NFRKB: variants seen among roughly 807,000 people sequenced by gnomAD.
NFRKB encodes the protein nuclear factor related to kappa-B-binding protein.
A neutral mutation model predicts 135.7 loss-of-function variants in NFRKB; 62 were observed. The observed-to-expected ratio is 0.46, with a 90% CI of 0.37 to 0.56. NFRKB has a LOEUF of 0.56. Among genes scored for constraint, NFRKB ranks in the 20% least tolerant of loss-of-function variants. NFRKB has a pLI of 0.00. For synonymous variants in NFRKB, 678 were observed against 635.6 expected (o/e 1.07, Z -1.00); for missense variants, 1,545 against 1,662.0 (o/e 0.93, Z 1.22).
intron 9 of NFRKB, among the ~76,000 whole-genome samples, chr11:129,882,864 G>A (rs1439186925): frequency 9.9e-5 from 15 of 151,882 alleles, no homozygotes; most frequent in Admixed American, 9.2e-4. Flanking sequence ...GCTCACTACA[G>A]CCTCAATCTC....
At position 129,869,913 on chromosome 11, in the gene NFRKB, C is replaced by T; in HGVS notation, c.3112G>A (p.Gly1038Ser). The change falls in exon 24 of 27, where the codon GGT becomes AGT. Residue 1038 changes from glycine to serine, a missense_variant. Coordinates refer to ENST00000682444, the MANE Select transcript of NFRKB (RefSeq NM_001143835.2). Reference sequence around the variant, plus strand: ...GGAGTCACTTTGACCACAGTGGTACCTGTTGGAGTGGATGAAGGGGCACTG... The same window carrying T: ...GGAGTCACTTTGACCACAGTGGTACTTGTTGGAGTGGATGAAGGGGCACTG... ...SASAPSSTPT[G>S]TTVVKVTPDL... 1 of 1,614,270 alleles carries T rather than the reference C, an allele frequency of 6.2e-7. No individual in the cohort carries two copies. Among genetic ancestry groups the T allele is most frequent in the Non-Finnish European group, 8.5e-7 (1 of 1,180,046 alleles).
At chr11:129,884,180 T>C in intron 7 of NFRKB, 37 bp from the exon 8 acceptor site, 1 of 1,587,542 alleles carries the variant, frequency 6.3e-7, no homozygotes, top group Non-Finnish European at 8.6e-7. Flanking sequence ...ACTATCATGA[T>C]TCTCCAATTT....
chr11:129,891,551 G>T (rs1949559905), intron 3 of NFRKB, among the ~76,000 whole-genome samples: 1 of 152,140 alleles, frequency 6.6e-6, no homozygotes, highest in Non-Finnish European at 1.5e-5. Context: ...CGACCCCCAG[G>T]CTGTGATGGA....
intron 7 of NFRKB, 81 bp from the exon 8 acceptor site, chr11:129,884,224 T>C: frequency 6.9e-7 from 1 of 1,442,880 alleles, no homozygotes; most frequent in Admixed American, 1.7e-5. Flanking sequence ...AGTAAGATAT[T>C]TCTGAGTTTC....
At chr11:129,867,650 T>C (rs528547105) in intron 24 of NFRKB, among the ~76,000 whole-genome samples, 31 of 152,184 alleles carry the variant, frequency 2.0e-4, no homozygotes, top group Non-Finnish European at 3.8e-4. Context: ...TATGTTAAGA[T>C]TTTCTGTTTT....
Position 129,884,084 on chromosome 11 carries a change from G to A in NFRKB, c.802C>T (p.Arg268Trp), listed in dbSNP as rs749391655. ...TCCCATCTTACTGGCTGATGTTTCC[G>A]CTTCTCGTGGTGCTTCTTTAACATT... ...KIMLKKHHEK[R>W]KHQPDHPDLL... Residue 268 changes from arginine to tryptophan, a missense_variant, in exon 8 of 27, where the codon CGG becomes TGG. This residue lies in a region of NFRKB where 678 missense variants were observed against 646.7 expected (regional missense o/e 1.05). Transcript: ENST00000682444. 9.3e-6 allele frequency: 15 copies of A among 1,614,020 alleles called. No homozygotes were observed. Among genetic ancestry groups the A allele is most frequent in the South Asian group, 3.3e-5 (3 of 91,088 alleles).
chr11:129,894,965 G>A (rs1378671271), intron 1 of NFRKB, among the ~76,000 whole-genome samples: 1 of 152,162 alleles, frequency 6.6e-6, no homozygotes, highest in African/African-American at 2.4e-5. Context: ...AGTTAATCTA[G>A]TCCACTGACA....
intron 24 of NFRKB, among the ~76,000 whole-genome samples, chr11:129,868,633 G>A (rs915742210): frequency 1.3e-5 from 2 of 152,168 alleles, no homozygotes; most frequent in Admixed American, 6.5e-5. Context: ...CAGTGGAAAC[G>A]CATCCTTTAG....
chr11:129,875,652 C>CTTT (rs761583169), intron 17 of NFRKB, among the ~76,000 whole-genome samples, 189 bp from the exon 18 acceptor site: 464 of 101,608 alleles, frequency 4.6e-3, no homozygotes, highest in Non-Finnish European at 6.2e-3. Context: ...CTATACACTT[C>CTTT]TTTTTTTTTT....
At position 129,888,944 on chromosome 11, in the gene NFRKB, A is replaced by T. The variant is rs1949407490; in HGVS notation, c.136-149T>A. The T allele has an allele frequency of 8.4e-6, 5 of 593,724 alleles. No individual in the cohort carries two copies. In the South Asian group the frequency reaches 1.2e-4, roughly 14 times the overall value. The allele number at this position is 593,724 out of a possible 1,614,324, so 36.8% of individuals were successfully genotyped here. ...CTTCAGTGGCCTTAAGTGCATTCACATTTGCTGTGCAACTATCACTACTAA... is the reference window on the plus strand; with the variant it reads ...CTTCAGTGGCCTTAAGTGCATTCACTTTTGCTGTGCAACTATCACTACTAA... On this transcript the variant is annotated intron_variant, in intron 3 of 26. Transcript: ENST00000682444.
rs1212135279 is a variant in NFRKB at position 129,874,168 on chromosome 11, C to A, written c.2224G>T (p.Ala742Ser). ...GTGGAAGGGCCGCTTTTGTTCACTG[C>A]CGATACAGGTGGAGGGGAGATGGGA... The part of the protein sequence containing the change: ...AIPISPPPVS[A>S]VNKSGPSTVS... The change falls in exon 21 of 27, where the codon GCA (alanine) becomes TCA (serine). Residue 742 changes from alanine to serine, a missense_variant. By Grantham distance (99) the Ala-to-Ser change is moderately conservative. Transcript: ENST00000682444. This position sits in a 1 kb window ranked among gnomAD's most constrained non-coding sequence, Gnocchi z 4.5. The A allele has an allele frequency of 2.6e-6, 4 of 1,524,446 alleles. No homozygotes were observed. The Admixed American group carries it at 6.5e-5, about 25-fold the overall frequency. 94.4% of individuals were successfully genotyped at this position (1,524,446 alleles called of 1,614,324 possible). A position where few individuals can be genotyped will look rare whatever the true frequency, so the allele number is the denominator to read the frequency against.
chr11:129,878,865 T>C (rs937585228), intron 13 of NFRKB, among the ~76,000 whole-genome samples: 1 of 152,230 alleles, frequency 6.6e-6, no homozygotes, highest in Non-Finnish European at 1.5e-5. Context: ...AAAGAGCACA[T>C]ATTTTAAAAT....
Position 129,874,810 on chromosome 11 carries a change from C to T in NFRKB, c.1961G>A (p.Arg654Gln). 2 of 1,614,164 alleles carry T rather than the reference C, an allele frequency of 1.2e-6. No homozygotes were observed. The highest frequency in any genetic ancestry group is 1.7e-6 in the Non-Finnish European group (2 of 1,180,030). The change falls in exon 19 of 27, where the codon CGG (arginine) becomes CAG (glutamine). Residue 654 changes from arginine to glutamine, a missense_variant. Arg to Gln is a conservative substitution (Grantham distance 43, BLOSUM62 1). Coordinates refer to ENST00000682444, the MANE Select transcript of NFRKB (RefSeq NM_001143835.2). The surrounding 1 kb of genome is among the most constrained non-coding windows in gnomAD (Gnocchi z 4.5). ...RKLWIYLHRD[R>Q]SEEEFERIHQ... ...TCACACACCAAACTCTTCTTCACTC[C>T]GGTCACGATGCAGGTAGATCCACAG...
rs1949110923 is a variant in NFRKB, at chr11:129,883,152, C to T, written c.871G>A (p.Val291Ile). 3 of 1,614,098 alleles carry T rather than the reference C, an allele frequency of 1.9e-6. No individual in the cohort carries two copies. The highest frequency in any genetic ancestry group is 8.5e-7 in the Non-Finnish European group (1 of 1,180,016). ...DLTLNDIMTR[V>I]NAGRKGSLAA... ...AGAGAGCCCTTCCTGCCAGCATTTACTCGAGTCATGATGTCATTGAGAGTC... is the reference window on the plus strand; with the variant it reads ...AGAGAGCCCTTCCTGCCAGCATTTATTCGAGTCATGATGTCATTGAGAGTC... The change falls in exon 9 of 27, where the codon GTA (valine) becomes ATA (isoleucine). Residue 291 changes from valine (V) to isoleucine (I), a missense_variant. By Grantham distance (29) the Val-to-Ile change is conservative. Coordinates refer to ENST00000682444, the MANE Select transcript of NFRKB (RefSeq NM_001143835.2).
chr11:129,877,327 G>A lies in NFRKB; in HGVS notation c.1570C>T (p.Gln524Ter). The A allele has an allele frequency of 6.2e-7, 1 of 1,614,072 alleles. No individual in the cohort carries two copies. Among genetic ancestry groups the A allele is most frequent in the Non-Finnish European group, 8.5e-7 (1 of 1,179,960 alleles). Reference sequence around the variant, plus strand: ...TACACTGGCTTTTAGGTTCTTACCTGCTCCTGAAAAACCCGTTTCTCCTCC... The same window carrying A: ...TACACTGGCTTTTAGGTTCTTACCTACTCCTGAAAAACCCGTTTCTCCTCC... ...TGEEKRVFQE[Q>*]ERYRYSQPHK... Residue 524 changes from glutamine (Q) to a stop codon, truncating the protein, a stop_gained and splice_region_variant, in exon 16 of 27, where the codon CAG becomes TAG. Coordinates refer to ENST00000682444, the MANE Select transcript of NFRKB (RefSeq NM_001143835.2). LOFTEE classifies it high-confidence loss of function.
In NFRKB at chr11:129,876,875, T is replaced by C; in HGVS notation, c.1593A>G (p.Gln531=). The C allele has an allele frequency of 6.2e-7, 1 of 1,613,830 alleles. No homozygotes were observed. Among genetic ancestry groups the C allele is most frequent in the South Asian group, 1.1e-5 (1 of 91,028 alleles). Residue 531 remains glutamine (Q), a synonymous_variant, in exon 17 of 27, where the codon CAA becomes CAG. Coordinates refer to ENST00000682444, the MANE Select transcript of NFRKB (RefSeq NM_001143835.2). ...TGCGAAAGGTGAACGCCTTATGGGG[T>C]TGGCTATACCTGTAACGCTCCTACC... The part of the protein sequence containing the change: ...FQEQERYRYS[Q]PHKAFTFRMH...
Position 129,884,779 on chromosome 11 carries a change from C to T in NFRKB, c.708G>A (p.Val236=). 1 of 1,614,118 alleles carries T rather than the reference C, an allele frequency of 6.2e-7. No individual in the cohort carries two copies. Among genetic ancestry groups the T allele is most frequent in the Non-Finnish European group, 8.5e-7 (1 of 1,180,000 alleles). Residue 236 remains valine, a synonymous_variant, in exon 7 of 27, where the codon GTG becomes GTA. Coordinates refer to ENST00000682444, the MANE Select transcript of NFRKB (RefSeq NM_001143835.2). ...TCATATCCGTGGTTGAAAGTGTGGG[C>T]ACCACCCGCAGGGGCACCGCAGGAC... The part of the protein sequence containing the change: ...SPSPAVPLRV[V]PTLSTTDMKT...
chr11:129,885,583 A>T lies in NFRKB; in HGVS notation c.492T>A (p.Ser164Arg). ...RSDLLEMARR[S>R]GPALPFRQKR... ...TCTGCCGGAAGGGAAGGGCGGGGCC[A>T]CTCCGCCGGGCCATCTCCAGCAGAT... The change falls in exon 6 of 27, where the codon AGT becomes AGA. Residue 164 changes from serine (S) to arginine (R), a missense_variant. Around this residue, in one of 3 missense-constraint regions of NFRKB, gnomAD observed 678 missense variants for 646.7 expected, o/e 1.05. Transcript: ENST00000682444. 1 of 1,611,974 alleles carries T rather than the reference A, an allele frequency of 6.2e-7. No individual in the cohort carries two copies. The highest frequency in any genetic ancestry group is 8.5e-7 in the Non-Finnish European group (1 of 1,178,562).
intron 13 of NFRKB, among the ~76,000 whole-genome samples, chr11:129,880,431 T>G (rs1591509827): frequency 1.3e-5 from 2 of 152,210 alleles, no homozygotes. Context: ...TACCGTCAGC[T>G]CTCACAGCCC....
Sources: allele counts gnomAD v4.1 joint callset (sites outside exome capture counted in the v4.1 genomes callset), GRCh38; gene constraint gnomAD v4.1.1; regional missense constraint gnomAD v4.1.1; non-coding constraint Gnocchi (gnomAD v3.1); transcripts MANE v1.5; gene names NCBI Gene and HGNC (gene_info 2026-07-23, HGNC 2026-07-21).